Variants in NRXN1 observed in about 807,000 individuals in gnomAD.
NRXN1 encodes the protein neurexin 1.
Under a neutral mutation model 150.9 loss-of-function variants are expected in NRXN1, and 39 were observed. That is an observed-to-expected ratio of 0.26 (90% confidence interval 0.20 to 0.34). The LOEUF is 0.34. Ranked by LOEUF, NRXN1 falls within the 10% of genes least tolerant of loss-of-function variation. The pLI is 1.00. For synonymous variants in NRXN1, 924 were observed against 757.0 expected, an observed-to-expected ratio of 1.22 and a Z score of -3.62; for missense variants, 1,815 against 1,949.9, an observed-to-expected ratio of 0.93 and a Z score of 1.30.
At chr2:50,416,608 T>A (rs1282979064) in intron 17 of NRXN1, among the ~76,000 whole-genome samples, 3 of 152,162 alleles carry the variant, frequency 2.0e-5, no homozygotes, top group Non-Finnish European at 4.4e-5. Context: ...AGGAAGAGGT[T>A]TAATTGACTC....
intron 18 of NRXN1, among the ~76,000 whole-genome samples, chr2:50,124,308 T>A (rs1487586737): frequency 6.6e-6 from 1 of 152,148 alleles, no homozygotes; most frequent in East Asian, 1.9e-4. Flanking sequence ...TCTAGACTCC[T>A]GGTAGTCAGG....
At chr2:50,788,236 G>A (rs890740271) in intron 5 of NRXN1, among the ~76,000 whole-genome samples, 4 of 151,710 alleles carry the variant, frequency 2.6e-5, no homozygotes, top group Non-Finnish European at 5.9e-5. Context: ...ACAGGCACCC[G>A]CCACCATGCC....
At chr2:50,391,734 A>C (rs1355416454) in intron 17 of NRXN1, among the ~76,000 whole-genome samples, 2 of 152,134 alleles carry the variant, frequency 1.3e-5, no homozygotes, top group African/African-American at 2.4e-5. Context: ...GTTGGTTACA[A>C]AGCTTCTAAT....
intron 12 of NRXN1, among the ~76,000 whole-genome samples, chr2:50,527,475 G>T (rs2092986080): frequency 1.3e-5 from 2 of 151,960 alleles, no homozygotes; most frequent in Admixed American, 1.3e-4. Context: ...CTGGGATATT[G>T]GTTATAATTT....
intron 5 of NRXN1, among the ~76,000 whole-genome samples, chr2:50,665,029 T>C (rs1687824421): frequency 6.6e-6 from 1 of 152,038 alleles, no homozygotes; most frequent in East Asian, 1.9e-4. Flanking sequence ...AAAGCATAAT[T>C]AACTTGTTCT....
chr2:50,621,051 A>C (rs1375771056), intron 7 of NRXN1, 175 bp downstream of exon 7: 1 of 543,530 alleles, frequency 1.8e-6, no homozygotes, highest in South Asian at 3.6e-5. Flanking sequence ...CAGGTAAAAA[A>C]TAAGAAGGTC....
chr2:51,026,217 C>T (rs1670436463), intron 2 of NRXN1, among the ~76,000 whole-genome samples: 2 of 152,164 alleles, frequency 1.3e-5, no homozygotes, highest in African/African-American at 4.8e-5. Flanking sequence ...CTTTCGAAAT[C>T]AGATTTAATA....
At chr2:50,177,622 C>T (rs1432653714) in intron 18 of NRXN1, among the ~76,000 whole-genome samples, 1 of 151,874 alleles carries the variant, frequency 6.6e-6, no homozygotes, top group Non-Finnish European at 1.5e-5. Context: ...TTTAATCTTG[C>T]TCAGCAATTT....
intron 2 of NRXN1, among the ~76,000 whole-genome samples, chr2:50,930,363 A>C (rs1687557193): frequency 6.6e-6 from 1 of 152,016 alleles, no homozygotes; most frequent in South Asian, 2.1e-4. Flanking sequence ...TATCTTGTTA[A>C]TGACAATTAA....
At chr2:50,538,207 A>C (rs202107612) in intron 10 of NRXN1, 46 bp downstream of exon 10, 12 of 1,570,526 alleles carry the variant, frequency 7.6e-6, no homozygotes, top group Non-Finnish European at 9.5e-6. Flanking sequence ...ACATTTAATA[A>C]ACTTTTCATC....
At chr2:50,576,702 C>T (rs1286857613) in intron 8 of NRXN1, among the ~76,000 whole-genome samples, 1 of 152,080 alleles carries the variant, frequency 6.6e-6, no homozygotes, top group African/African-American at 2.4e-5. Flanking sequence ...ATTGCCAAGG[C>T]TGAATTTGTT....
chr2:49,975,517 T>C (rs900019718), intron 21 of NRXN1, among the ~76,000 whole-genome samples: 3 of 152,172 alleles, frequency 2.0e-5, no homozygotes, highest in Non-Finnish European at 4.4e-5. Flanking sequence ...TCCTGAAAGA[T>C]TGAACCCTGT....
intron 5 of NRXN1, among the ~76,000 whole-genome samples, chr2:50,824,524 G>C (rs969559575): frequency 3.9e-5 from 6 of 152,068 alleles, no homozygotes; most frequent in African/African-American, 1.4e-4. Context: ...TAAAACTCTA[G>C]TATGTATTTG....
chr2:50,132,706 C>G (rs1038318614), intron 18 of NRXN1, among the ~76,000 whole-genome samples: 2 of 152,092 alleles, frequency 1.3e-5, no homozygotes, highest in Admixed American at 6.5e-5. Flanking sequence ...TTGTGTTTCT[C>G]TCTATTCCTT....
Position 50,053,729 on chromosome 2 carries a change from G to A in NRXN1, c.3809-139C>T, listed in dbSNP as rs1693151778. ...AGAGGCATTTGACTCATAATTCATT[G>A]CTTATAAATGAGGTGTCCATGAAAT... is the stretch of plus-strand genomic sequence containing the variant. On this transcript the variant is annotated intron_variant, in intron 20 of 22. Transcript: ENST00000401669. The A allele has an allele frequency of 9.7e-6, 8 of 822,102 alleles. 1 individual carries two copies. In the Admixed American group the frequency reaches 1.6e-4, roughly 17 times the overall value. The allele number at this position is 822,102 out of a possible 1,614,324, so 50.9% of individuals were successfully genotyped here.
At position 50,380,406 on chromosome 2, in the gene NRXN1, C is replaced by T. The variant is rs76473285; in HGVS notation, c.3364+85036G>A. Reference sequence around the variant, plus strand: ...TGTCAAAATGGTCCTAAGGTTTTGACGCAACTGTTTCAAATAAACAGTTGT... The same window carrying T: ...TGTCAAAATGGTCCTAAGGTTTTGATGCAACTGTTTCAAATAAACAGTTGT... On this transcript the variant is annotated intron_variant, in intron 17 of 22. Coordinates refer to ENST00000401669, the MANE Select transcript of NRXN1 (RefSeq NM_001330078.2). Among the ~76,000 whole-genome samples the T allele has an allele frequency of 8.3e-3, 1,258 of 152,038 alleles. 25 individuals are homozygous for T. The highest frequency in any genetic ancestry group is 0.029 in the African/African-American group (1,185 of 41,476).
chr2:50,779,139 A>G lies in NRXN1; in HGVS notation c.832+142730T>C, dbSNP rs574447829. On this transcript the variant is annotated intron_variant, in intron 5 of 22. Coordinates refer to ENST00000401669, the MANE Select transcript of NRXN1 (RefSeq NM_001330078.2). ...TGCTGCACCCATTACCCTGTCATCT[A>G]TATTAGGTATTTCTCCTAATGGTAT... Among the ~76,000 whole-genome samples, 9 of 152,216 alleles carry G rather than the reference A, an allele frequency of 5.9e-5. No individual in the cohort carries two copies. The South Asian group carries it at 1.9e-3, about 32-fold the overall frequency.
intron 18 of NRXN1, among the ~76,000 whole-genome samples, chr2:50,150,423 A>G (rs1005736942): frequency 2.0e-5 from 3 of 151,766 alleles, no homozygotes; most frequent in Non-Finnish European, 2.9e-5. Flanking sequence ...ATTTTTTTCT[A>G]CATAAAATAA....
intron 18 of NRXN1, among the ~76,000 whole-genome samples, chr2:50,139,152 G>C (rs999415993): frequency 9.2e-5 from 14 of 151,810 alleles, no homozygotes; most frequent in African/African-American, 3.1e-4. Flanking sequence ...ATGGTGAAAC[G>C]CCATCTCTAC....
Sources: gnomAD v4.1 joint callset for allele counts (sites outside exome capture counted in the v4.1 genomes callset) on GRCh38, gnomAD v4.1.1 for gene constraint, MANE v1.5 for transcripts, NCBI Gene and HGNC (gene_info 2026-07-23, HGNC 2026-07-21) for gene names.